The following PRR16 variants were observed in gnomAD, a reference collection of about 807,000 sequenced individuals.
PRR16 encodes the protein proline rich 16.
In PRR16, 6 loss-of-function variants were observed where a neutral mutation model predicts 18.2. The observed-to-expected ratio is 0.33, with a 90% CI of 0.18 to 0.65. The LOEUF (loss-of-function observed/expected upper bound fraction) is 0.65. Among genes scored for constraint, PRR16 ranks in the 30% least tolerant of loss-of-function variants. The probability of loss-of-function intolerance (pLI) is 0.74; values close to 1 mark genes in which losing one functional copy is unlikely to be tolerated. For synonymous variants in PRR16, 151 were observed against 147.8 expected (o/e 1.02, Z -0.16); for missense variants, 412 against 376.6 (o/e 1.09, Z -0.78).
chr5:120,792,183 G>GTGA, the PRR16 span, among the ~76,000 whole-genome samples: 2 of 152,130 alleles, frequency 1.3e-5, no homozygotes, highest in Non-Finnish European at 2.9e-5. Context: ...CATATACTCA[G>GTGA]TGATAAGCAG....
chr5:120,605,532 A>G (rs1001236687), intron 1 of PRR16, among the ~76,000 whole-genome samples: 2 of 152,022 alleles, frequency 1.3e-5, no homozygotes, highest in Non-Finnish European at 2.9e-5. Flanking sequence ...AGCCATTTCC[A>G]TCTGGTTAAG....
At chr5:120,746,198 C>T in the PRR16 span, among the ~76,000 whole-genome samples, 1 of 151,362 alleles carries the variant, frequency 6.6e-6, no homozygotes, top group Admixed American at 6.6e-5. Context: ...GACACTGAAA[C>T]ATGTTGCTGA....
chr5:120,491,464 CT>C (rs1561514071), intron 1 of PRR16, among the ~76,000 whole-genome samples: 34 of 120,744 alleles, frequency 2.8e-4, no homozygotes, highest in Non-Finnish European at 5.3e-4. Context: ...CTTTCCTTTC[CT>C]TTCCTTTCCT....
In PRR16 at chr5:120,566,782, A is replaced by G. The variant is rs565618602; in HGVS notation, c.159+102137A>G. Among the ~76,000 whole-genome samples the G allele has an allele frequency of 3.1e-4, 47 of 152,328 alleles. 1 individual carries two copies. The highest frequency in any genetic ancestry group is 3.0e-3 in the Admixed American group (46 of 15,296). The stretch of plus-strand genomic sequence containing the variant: ...CTTGTCACTCTTTCAATGACTGTTA[A>G]TGATTTCTTAAATAGCTTTCCATAA... On this transcript the variant is annotated intron_variant, in intron 1 of 1. Coordinates refer to ENST00000407149, the MANE Select transcript of PRR16 (RefSeq NM_001300783.2).
At chr5:120,597,182 T>C (rs1243835433) in intron 1 of PRR16, among the ~76,000 whole-genome samples, 2 of 151,708 alleles carry the variant, frequency 1.3e-5, no homozygotes, top group Non-Finnish European at 3.0e-5. Context: ...ACTTTATTTA[T>C]TGTATTTGAG....
At chr5:120,578,282 ATTTC>A (rs1293119451) in intron 1 of PRR16, among the ~76,000 whole-genome samples, 1 of 151,834 alleles carries the variant, frequency 6.6e-6, no homozygotes, top group African/African-American at 2.4e-5. Flanking sequence ...TTTTTTCTTT[ATTTC>A]TTCTAAAAAA....
the PRR16 span, among the ~76,000 whole-genome samples, chr5:120,764,764 C>A: frequency 6.6e-6 from 1 of 152,046 alleles, no homozygotes; most frequent in African/African-American, 2.4e-5. Context: ...CCTCAATTAC[C>A]TGTCAAAGGT....
intron 1 of PRR16, among the ~76,000 whole-genome samples, chr5:120,490,692 T>G (rs190787279): frequency 6.6e-6 from 1 of 152,258 alleles, no homozygotes; most frequent in African/African-American, 2.4e-5. Flanking sequence ...CCGTTGCTGG[T>G]GAGGAACTGC....
At chr5:120,751,943 T>G in the PRR16 span, among the ~76,000 whole-genome samples, 28 of 152,124 alleles carry the variant, frequency 1.8e-4, no homozygotes, top group Non-Finnish European at 1.5e-5. Context: ...AACTTCTTTA[T>G]TTAGATAGTT....
chr5:120,783,887 C>T, the PRR16 span, among the ~76,000 whole-genome samples: 1 of 152,068 alleles, frequency 6.6e-6, no homozygotes. Flanking sequence ...CCATACCAGC[C>T]TCTGGTAATC....
At chr5:120,706,797 G>C in the PRR16 span, among the ~76,000 whole-genome samples, 1 of 152,142 alleles carries the variant, frequency 6.6e-6, no homozygotes, top group Non-Finnish European at 1.5e-5. Flanking sequence ...GAGAAAGATC[G>C]AATTCAACTT....
the PRR16 span, among the ~76,000 whole-genome samples, chr5:120,763,932 G>GAC: frequency 1.6e-4 from 24 of 151,974 alleles, no homozygotes; most frequent in Admixed American, 1.6e-3. Context: ...TACTGAATTT[G>GAC]CTTATCAGGT....
At chr5:120,752,834 AAATG>A in the PRR16 span, among the ~76,000 whole-genome samples, 1 of 151,902 alleles carries the variant, frequency 6.6e-6, no homozygotes, top group Non-Finnish European at 1.5e-5. Flanking sequence ...GAAAATGAAA[AAATG>A]AAAGTTGAAG....
At chr5:120,756,933 G>A in the PRR16 span, among the ~76,000 whole-genome samples, 8 of 152,086 alleles carry the variant, frequency 5.3e-5, no homozygotes, top group Non-Finnish European at 7.4e-5. Flanking sequence ...ATAGTTTAAG[G>A]TGTTACATTT....
At chr5:120,670,828 A>C (rs1239506951) in intron 1 of PRR16, among the ~76,000 whole-genome samples, 3 of 152,158 alleles carry the variant, frequency 2.0e-5, no homozygotes, top group Non-Finnish European at 4.4e-5. Context: ...TAACGCAAAA[A>C]TAATATAATG....
chr5:120,686,096 C>G lies in PRR16; in HGVS notation c.302C>G (p.Ala101Gly). 1 of 1,614,120 alleles carries G rather than the reference C, an allele frequency of 6.2e-7. No individual in the cohort carries two copies. ...SLEKIKVQAN[A>G]PLIKPPAHPS... ...GAGAAGATCAAAGTGCAGGCTAATG[C>G]ACCGCTTATTAAACCCCCAGCACAC... The change falls in exon 2 of 2, where the codon GCA (alanine) becomes GGA (glycine). Residue 101 changes from alanine to glycine, a missense_variant. By Grantham distance (60) the Ala-to-Gly change is moderately conservative. Transcript: ENST00000407149.
At position 120,516,628 on chromosome 5, in the gene PRR16, G is replaced by A. The variant is rs535938453; in HGVS notation, c.159+51983G>A. 1.4e-4 allele frequency among the ~76,000 whole-genome samples: 22 copies of A among 152,032 alleles called. 1 individual carries two copies. Among genetic ancestry groups the A allele is most frequent in the Admixed American group, 1.1e-3 (17 of 15,274 alleles). On this transcript the variant is annotated intron_variant, in intron 1 of 1. Transcript: ENST00000407149. ...AGAGAAAAGTATGGCGTGCATGGAC[G>A]CTTTTATATATTTTTTCTTTAAAAA...
intron 1 of PRR16, among the ~76,000 whole-genome samples, chr5:120,470,830 G>C (rs184924010): frequency 6.6e-6 from 1 of 152,274 alleles, no homozygotes; most frequent in East Asian, 1.9e-4. Flanking sequence ...TGTCTTGTAA[G>C]TGGAGAAGTG....
chr5:120,521,704 GGTATGT>G (rs1333554464), intron 1 of PRR16, among the ~76,000 whole-genome samples: 1 of 151,690 alleles, frequency 6.6e-6, no homozygotes, highest in African/African-American at 2.4e-5. Context: ...TAAGTTCTAG[GGTATGT>G]GTGCACAACA....
Sources: allele counts gnomAD v4.1 joint callset (sites outside exome capture counted in the v4.1 genomes callset), GRCh38; gene constraint gnomAD v4.1.1; transcripts MANE v1.5; gene names NCBI Gene and HGNC (gene_info 2026-07-23, HGNC 2026-07-21).